Variants in RBFOX1 observed in about 807,000 individuals in gnomAD.
RBFOX1 encodes the protein RNA binding fox-1 homolog 1, also known as RNA binding protein fox-1 homolog 1.
In RBFOX1, 8 loss-of-function variants were observed where a neutral mutation model predicts 57.7. The ratio of observed to expected loss-of-function variants is 0.14; its 90% CI spans 0.08 to 0.25. RBFOX1 has a LOEUF of 0.25. Ranked by LOEUF, RBFOX1 falls within the 10% of genes least tolerant of loss-of-function variation. RBFOX1 has a pLI of 1.00. For synonymous variants in RBFOX1, 326 were observed against 222.4 expected (o/e 1.47, Z -4.15); for missense variants, 611 against 548.5 (o/e 1.11, Z -1.14).
Position 7,478,821 on chromosome 16 carries a change from C to G in RBFOX1, c.28-39326C>G, listed in dbSNP as rs115998065. ...ATCTAGTCTAGATGCCAACAATACC[C>G]TGAGGATGTAGAAAACCTCCTTTGC... On this transcript the variant is annotated intron_variant, in intron 4 of 15. Coordinates refer to ENST00000550418, the MANE Select transcript of RBFOX1 (RefSeq NM_018723.4). 2.7e-3 allele frequency among the ~76,000 whole-genome samples: 410 copies of G among 152,272 alleles called. 2 individuals carry two copies. The highest frequency in any genetic ancestry group is 9.6e-3 in the African/African-American group (401 of 41,562).
At chr16:7,299,278 T>C (rs891178541) in intron 4 of RBFOX1, among the ~76,000 whole-genome samples, 7 of 152,222 alleles carry the variant, frequency 4.6e-5, no homozygotes, top group South Asian at 4.1e-4. Context: ...AGGCAAAAGA[T>C]GGCCGTAAAC....
Position 7,154,439 on chromosome 16 carries a change from C to T in RBFOX1, c.27+102341C>T, listed in dbSNP as rs78268829. On this transcript the variant is annotated intron_variant, in intron 4 of 15. Coordinates refer to ENST00000550418, the MANE Select transcript of RBFOX1 (RefSeq NM_018723.4). Reference sequence around the variant, plus strand: ...AAGATATGGTCCCATCACAGAAGGACAATAGATCTTTCCTAAGATTTACCT... The same window carrying T: ...AAGATATGGTCCCATCACAGAAGGATAATAGATCTTTCCTAAGATTTACCT... Among the ~76,000 whole-genome samples the T allele has an allele frequency of 7.4e-3, 1,131 of 152,276 alleles. 17 individuals are homozygous for T. The highest frequency in any genetic ancestry group is 0.026 in the African/African-American group (1,064 of 41,560).
intron 2 of RBFOX1, among the ~76,000 whole-genome samples, chr16:6,437,376 C>A (rs140188747): frequency 1.3e-5 from 2 of 152,214 alleles, no homozygotes; most frequent in Non-Finnish European, 2.9e-5. Context: ...CTTTTGTTTG[C>A]AGCTTGAAAA....
chr16:6,895,482 A>ATG (rs2066642876), intron 3 of RBFOX1, among the ~76,000 whole-genome samples: 1 of 93,952 alleles, frequency 1.1e-5, no homozygotes, highest in Non-Finnish European at 2.2e-5. Flanking sequence ...ATATATATAT[A>ATG]TATATTTATT....
intron 3 of RBFOX1, among the ~76,000 whole-genome samples, chr16:6,839,205 G>C (rs555607665): frequency 6.6e-6 from 1 of 151,368 alleles, no homozygotes; most frequent in African/African-American, 2.4e-5. Context: ...GGCTGTTCTC[G>C]AATTCCTGAC....
intron 2 of RBFOX1, among the ~76,000 whole-genome samples, chr16:6,504,345 A>T (rs767306222): frequency 6.6e-6 from 1 of 152,212 alleles, no homozygotes; most frequent in Non-Finnish European, 1.5e-5. Flanking sequence ...GCCCTTCACC[A>T]TCAGACAGTT....
At chr16:6,981,944 A>G (rs1215617611) in intron 3 of RBFOX1, among the ~76,000 whole-genome samples, 1 of 152,190 alleles carries the variant, frequency 6.6e-6, no homozygotes, top group Non-Finnish European at 1.5e-5. Context: ...TTGTATTACA[A>G]TAGAACTTTT....
intron 1 of RBFOX1, among the ~76,000 whole-genome samples, chr16:5,313,345 C>T (rs892024056): frequency 1.3e-5 from 2 of 152,076 alleles, no homozygotes; most frequent in African/African-American, 4.8e-5. Context: ...TATGGCTTTC[C>T]CCACAGTGAT....
intron 3 of RBFOX1, among the ~76,000 whole-genome samples, chr16:5,689,053 A>C (rs924427775): frequency 2.6e-5 from 4 of 152,204 alleles, no homozygotes; most frequent in African/African-American, 9.6e-5. Context: ...ATCTTGTGTC[A>C]CTTACCTAAC....
chr16:7,248,208 C>T (rs1353128874), intron 4 of RBFOX1, among the ~76,000 whole-genome samples: 1 of 152,168 alleles, frequency 6.6e-6, no homozygotes, highest in Admixed American at 6.5e-5. Context: ...GATAGGGTCC[C>T]TGTGATGTTT....
At chr16:6,482,691 G>C (rs2095390708) in intron 2 of RBFOX1, among the ~76,000 whole-genome samples, 1 of 152,168 alleles carries the variant, frequency 6.6e-6, no homozygotes, top group Non-Finnish European at 1.5e-5. Flanking sequence ...CCTAAATAAA[G>C]TGCAGCTGCT....
chr16:6,769,672 C>T lies in RBFOX1; in HGVS notation c.-16+115022C>T, dbSNP rs145548501. ...ATAATACGAGTGTATCTTCCATATC[C>T]CTCTCTGCTAATGTTCCCTGCTGAT... is the stretch of plus-strand genomic sequence containing the variant. On this transcript the variant is annotated intron_variant, in intron 3 of 15. Coordinates refer to ENST00000550418, the MANE Select transcript of RBFOX1 (RefSeq NM_018723.4). Among the ~76,000 whole-genome samples, 347 of 152,268 alleles carry T rather than the reference C, an allele frequency of 2.3e-3. 3 individuals carry two copies. Among genetic ancestry groups the T allele is most frequent in the African/African-American group, 8.1e-3 (335 of 41,558 alleles).
intron 2 of RBFOX1, among the ~76,000 whole-genome samples, chr16:6,382,792 G>A (rs2091934386): frequency 3.3e-5 from 5 of 152,122 alleles, no homozygotes; most frequent in Admixed American, 3.3e-4. Context: ...CTCAGGAGGT[G>A]GAGGTTGCAG....
intron 1 of RBFOX1, among the ~76,000 whole-genome samples, chr16:5,363,841 G>A (rs909620331): frequency 1.3e-5 from 2 of 152,184 alleles, no homozygotes; most frequent in African/African-American, 2.4e-5. Context: ...CATTTCTAGA[G>A]TGCATGGCTG....
intron 3 of RBFOX1, among the ~76,000 whole-genome samples, chr16:6,724,452 C>T (rs147499333): frequency 9.9e-4 from 150 of 152,144 alleles, no homozygotes; most frequent in African/African-American, 3.5e-3. Flanking sequence ...AGGTGATCCA[C>T]CCACCTCGTC....
chr16:6,944,172 G>A (rs1453741696), intron 3 of RBFOX1, among the ~76,000 whole-genome samples: 1 of 151,970 alleles, frequency 6.6e-6, no homozygotes, highest in Non-Finnish European at 1.5e-5. Context: ...TGAGGTGGGT[G>A]GATTATGAGG....
chr16:7,156,573 G>A (rs966597968), intron 4 of RBFOX1, among the ~76,000 whole-genome samples: 3 of 151,972 alleles, frequency 2.0e-5, no homozygotes, highest in African/African-American at 7.2e-5. Flanking sequence ...ACATATGTAT[G>A]CACATTTGCA....
chr16:6,656,599 G>GACACACACACACACACAC (rs60723864), intron 3 of RBFOX1, among the ~76,000 whole-genome samples: 122 of 146,396 alleles, frequency 8.3e-4, no homozygotes, highest in African/African-American at 2.8e-3. Context: ...GGGGAAAATA[G>GACACACACACACACACAC]ACACACACAC....
At chr16:5,804,712 T>C (rs565656497) in intron 3 of RBFOX1, among the ~76,000 whole-genome samples, 1 of 152,232 alleles carries the variant, frequency 6.6e-6, no homozygotes, top group South Asian at 2.1e-4. Flanking sequence ...AGCAAGTTGG[T>C]CCTGGACACC....
Sources: allele counts gnomAD v4.1 joint callset (sites outside exome capture counted in the v4.1 genomes callset), GRCh38; gene constraint gnomAD v4.1.1; transcripts MANE v1.5; gene names NCBI Gene and HGNC (gene_info 2026-07-23, HGNC 2026-07-21).